The following CYB5A variants were observed in gnomAD, a reference collection of about 807,000 sequenced individuals.
CYB5A encodes the protein cytochrome b5 type A, also known as cytochrome b5.
CYB5A carries 10 observed loss-of-function variants against 16.2 expected under a neutral mutation model. That is an observed-to-expected ratio of 0.62 (90% CI 0.38 to 1.04). The LOEUF (loss-of-function observed/expected upper bound fraction) is 1.04, where lower values mean the gene tolerates loss of function less well. Among genes scored for constraint, CYB5A ranks in the 50% least tolerant of loss-of-function variants. CYB5A has a pLI of 0.01. For synonymous variants in CYB5A, 62 were observed against 57.0 expected, an observed-to-expected ratio of 1.09 and a Z score of -0.40; for missense variants, 161 against 165.9, an observed-to-expected ratio of 0.97 and a Z score of 0.16.
chr18:74,271,728 A>C (rs138553875), intron 1 of CYB5A, among the ~76,000 whole-genome samples: 13 of 152,230 alleles, frequency 8.5e-5, no homozygotes, highest in Middle Eastern at 3.4e-3. Context: ...TCAACTACAC[A>C]ATACATTAAC....
chr18:74,277,176 A>C (rs1426668542), intron 1 of CYB5A, among the ~76,000 whole-genome samples: 2 of 152,248 alleles, frequency 1.3e-5, no homozygotes, highest in African/African-American at 4.8e-5. Flanking sequence ...ATTTAGAATA[A>C]GATAACAAGA....
chr18:74,268,728 G>A (rs1982548348), intron 1 of CYB5A, among the ~76,000 whole-genome samples: 1 of 152,118 alleles, frequency 6.6e-6, no homozygotes, highest in Admixed American at 6.5e-5. Context: ...GAGACAGGAA[G>A]TGCCACTGGA....
intron 4 of CYB5A, among the ~76,000 whole-genome samples, chr18:74,254,799 C>A (rs1004113607): frequency 1.3e-5 from 2 of 152,098 alleles, no homozygotes; most frequent in Non-Finnish European, 2.9e-5. Context: ...GGATTACAGG[C>A]GTGAGCCACC....
At chr18:74,274,792 C>A (rs1052515057) in intron 1 of CYB5A, among the ~76,000 whole-genome samples, 5 of 152,148 alleles carry the variant, frequency 3.3e-5, no homozygotes, top group African/African-American at 7.2e-5. Context: ...TCTAACGTTG[C>A]CCTTAACTCC....
intron 4 of CYB5A, 88 bp downstream of exon 4, chr18:74,255,653 A>G: frequency 9.2e-7 from 1 of 1,082,532 alleles, no homozygotes; most frequent in Non-Finnish European, 1.4e-6. Flanking sequence ...CAGGCCCAGG[A>G]ACCCAGAAGG....
chr18:74,256,844 T>C, intron 3 of CYB5A: 10 of 1,613,970 alleles, frequency 6.2e-6, no homozygotes, highest in Non-Finnish European at 8.5e-6. Context: ...AAACACCGCC[T>C]TTAAGGTTCC....
chr18:74,265,653 T>C (rs528480177), intron 1 of CYB5A, among the ~76,000 whole-genome samples: 1 of 152,366 alleles, frequency 6.6e-6, no homozygotes, highest in South Asian at 2.1e-4. Flanking sequence ...ACTTTGGCTC[T>C]CAGTTCTGCA....
intron 1 of CYB5A, among the ~76,000 whole-genome samples, chr18:74,266,810 A>C (rs890762225): frequency 1.4e-5 from 2 of 145,184 alleles, no homozygotes; most frequent in African/African-American, 5.1e-5. Flanking sequence ...CTGATAACTC[A>C]TGTAAAATTT....
chr18:74,288,925 T>G (rs767395471), intron 1 of CYB5A, among the ~76,000 whole-genome samples: 1 of 152,104 alleles, frequency 6.6e-6, no homozygotes, highest in Non-Finnish European at 1.5e-5. Context: ...TCAGACACAA[T>G]CCAGTGAAAG....
intron 1 of CYB5A, among the ~76,000 whole-genome samples, chr18:74,281,447 G>T (rs571282588): frequency 6.6e-6 from 1 of 152,200 alleles, no homozygotes; most frequent in African/African-American, 2.4e-5. Flanking sequence ...GGACAGAAGA[G>T]AAGTGGGAAA....
chr18:74,283,843 C>CT (rs1480860879), intron 1 of CYB5A, among the ~76,000 whole-genome samples: 2 of 152,204 alleles, frequency 1.3e-5, no homozygotes, highest in Non-Finnish European at 2.9e-5. Flanking sequence ...GTCTGTGGGA[C>CT]TTGCTGAGCA....
At chr18:74,268,567 G>C (rs1982540490) in intron 1 of CYB5A, among the ~76,000 whole-genome samples, 1 of 152,144 alleles carries the variant, frequency 6.6e-6, no homozygotes, top group African/African-American at 2.4e-5. Flanking sequence ...GCTTCAGAGT[G>C]GACAGCAGAC....
chr18:74,274,366 A>G (rs1982786189), intron 1 of CYB5A, among the ~76,000 whole-genome samples: 1 of 152,260 alleles, frequency 6.6e-6, no homozygotes, highest in Non-Finnish European at 1.5e-5. Flanking sequence ...AACTGCAAGA[A>G]AATTCTATTT....
chr18:74,255,479 G>A (rs1368339505), intron 4 of CYB5A, among the ~76,000 whole-genome samples: 1 of 152,192 alleles, frequency 6.6e-6, no homozygotes, highest in African/African-American at 2.4e-5. Flanking sequence ...TGCCCTGGGG[G>A]AAAAGGAAAT....
chr18:74,266,111 T>TGC (rs1325213230), intron 1 of CYB5A, among the ~76,000 whole-genome samples: 1 of 152,228 alleles, frequency 6.6e-6, no homozygotes, highest in Non-Finnish European at 1.5e-5. Context: ...GGCATGGGAA[T>TGC]GCACGTTAGA....
At chr18:74,275,937 A>G (rs1463548093) in intron 1 of CYB5A, among the ~76,000 whole-genome samples, 1 of 152,110 alleles carries the variant, frequency 6.6e-6, no homozygotes, top group Admixed American at 6.5e-5. Context: ...CGCAGACCAG[A>G]TACCCCAACA....
chr18:74,261,058 A>T (rs1046136765), intron 2 of CYB5A, 114 bp from the exon 3 acceptor site: 14 of 834,690 alleles, frequency 1.7e-5, no homozygotes, highest in Non-Finnish European at 2.6e-5. Context: ...ACCATTTCAG[A>T]TTCAACATTT....
intron 1 of CYB5A, among the ~76,000 whole-genome samples, chr18:74,288,295 G>T: frequency 6.6e-6 from 1 of 152,142 alleles, no homozygotes; most frequent in East Asian, 1.9e-4. Flanking sequence ...CATGAACACG[G>T]ACATGCACAT....
Position 74,255,908 on chromosome 18 carries a change from ATTATAAAC to A in CYB5A, c.289-141_289-134del, listed in dbSNP as rs199783233. On this transcript the variant is annotated intron_variant, in intron 3 of 4. Coordinates refer to ENST00000340533, the MANE Select transcript of CYB5A (RefSeq NM_148923.4). Reference sequence around the variant, plus strand: ...TCTTCAGAAGATGTCGAAAGGGAAAATTATAAACTTCTTTTCACTAAAATGCCTAACTT... The same window carrying A: ...TCTTCAGAAGATGTCGAAAGGGAAAATTCTTTTCACTAAAATGCCTAACTT... The A allele has an allele frequency of 1.9e-3, 1,353 of 706,720 alleles. 10 individuals carry two copies. The African/African-American group carries it at 0.019, about 10-fold the overall frequency. 43.8% of individuals were successfully genotyped at this position (706,720 alleles called of 1,614,324 possible).
Sources: allele counts gnomAD v4.1 joint callset (sites outside exome capture counted in the v4.1 genomes callset), GRCh38; gene constraint gnomAD v4.1.1; transcripts MANE v1.5; gene names NCBI Gene and HGNC (gene_info 2026-07-23, HGNC 2026-07-21).